The following MBNL2 variants were observed in gnomAD, a reference collection of about 807,000 sequenced individuals.
The protein encoded by MBNL2 is muscleblind-like protein 2.
MBNL2 carries 17 observed loss-of-function variants against 41.9 expected under a neutral mutation model. That is an observed-to-expected ratio of 0.41 (90% confidence interval 0.28 to 0.61). MBNL2 has a LOEUF of 0.61. MBNL2 is among the 20% of genes least tolerant of loss of function. MBNL2 has a pLI of 0.35. For synonymous variants in MBNL2, 195 were observed against 182.9 expected, an observed-to-expected ratio of 1.07 and a Z score of -0.53; for missense variants, 336 against 505.6, an observed-to-expected ratio of 0.66 and a Z score of 3.22.
At chr13:97,287,939 G>T (rs111403328) in intron 2 of MBNL2, among the ~76,000 whole-genome samples, 2,627 of 113,464 alleles carry the variant, frequency 0.023, 157 homozygotes, top group African/African-American at 0.1. Flanking sequence ...GTTTTGTTTT[G>T]TTTTTTTTTT....
the MBNL2 span, among the ~76,000 whole-genome samples, chr13:97,215,503 A>G: frequency 6.6e-6 from 1 of 152,358 alleles, no homozygotes; most frequent in South Asian, 2.1e-4. Flanking sequence ...TGTTAAGCTG[A>G]TAAAACAAGT....
rs2049275195 is a variant in MBNL2, at chr13:97,264,259, C to A, written c.-604-11373C>A. ...AGCCAGGATGGTCTCCATCTCCTAA[C>A]CTTGTGATCCACCCGCCTCGGCCTC... On this transcript the variant is annotated intron_variant, in intron 1 of 8. Transcript: ENST00000679496. 1.3e-5 allele frequency among the ~76,000 whole-genome samples: 2 copies of A among 149,884 alleles called. 1 individual carries two copies. The highest frequency in any genetic ancestry group is 4.2e-4 in the South Asian group (2 of 4,716).
chr13:97,194,736 T>C, the MBNL2 span, among the ~76,000 whole-genome samples: 2 of 152,236 alleles, frequency 1.3e-5, no homozygotes, highest in Non-Finnish European at 2.9e-5. Context: ...AAGTGACCTC[T>C]GGTTGCCTTC....
chr13:97,339,473 T>C (rs940114590), intron 3 of MBNL2, among the ~76,000 whole-genome samples: 2 of 152,144 alleles, frequency 1.3e-5, no homozygotes, highest in Non-Finnish European at 2.9e-5. Context: ...CCTTTTTAGC[T>C]GTGGCTTTGA....
At chr13:97,197,609 C>T in the MBNL2 span, among the ~76,000 whole-genome samples, 1 of 152,068 alleles carries the variant, frequency 6.6e-6, no homozygotes, top group South Asian at 2.1e-4. Context: ...CTTTCTTTCT[C>T]TTATTTAATT....
chr13:97,285,290 T>C (rs9556695), intron 2 of MBNL2, among the ~76,000 whole-genome samples: 68,153 of 152,078 alleles, frequency 0.45, 18,132 homozygotes, highest in East Asian at 0.62. Context: ...GTTCTTTAGC[T>C]CACTCATTCA....
intron 8 of MBNL2, among the ~76,000 whole-genome samples, chr13:97,383,515 A>G (rs1468927729): frequency 6.6e-6 from 1 of 152,190 alleles, no homozygotes; most frequent in Non-Finnish European, 1.5e-5. Context: ...AATCAAGTGG[A>G]AAATATTGGA....
chr13:97,215,134 G>A, the MBNL2 span, among the ~76,000 whole-genome samples: 17 of 152,312 alleles, frequency 1.1e-4, no homozygotes, highest in South Asian at 3.5e-3. Context: ...GGCATGTCCT[G>A]TAACCTTTGA....
At chr13:97,229,737 A>G (rs1266579314) in intron 1 of MBNL2, among the ~76,000 whole-genome samples, 1 of 152,142 alleles carries the variant, frequency 6.6e-6, no homozygotes. Flanking sequence ...GAGTCAGGAT[A>G]TGAATGAGCT....
At chr13:97,293,367 G>T (rs2056490287) in intron 2 of MBNL2, among the ~76,000 whole-genome samples, 1 of 152,076 alleles carries the variant, frequency 6.6e-6, no homozygotes, top group East Asian at 1.9e-4. Flanking sequence ...GTAATAGTTT[G>T]TGGTAGTATT....
At chr13:97,200,065 C>T in the MBNL2 span, among the ~76,000 whole-genome samples, 2 of 152,182 alleles carry the variant, frequency 1.3e-5, no homozygotes, top group Non-Finnish European at 2.9e-5. Flanking sequence ...TGAATTGAAG[C>T]CCCATAAATT....
intron 2 of MBNL2, among the ~76,000 whole-genome samples, chr13:97,286,978 G>C (rs1005763210): frequency 6.6e-6 from 1 of 152,178 alleles, no homozygotes; most frequent in Non-Finnish European, 1.5e-5. Flanking sequence ...ACCCATACTT[G>C]CTAGTGAAGA....
chr13:97,388,491 T>A (rs1044706810), intron 8 of MBNL2, among the ~76,000 whole-genome samples: 26 of 152,102 alleles, frequency 1.7e-4, no homozygotes, highest in Admixed American at 9.2e-4. Flanking sequence ...GAGGTTCCTC[T>A]TTCTCTCAAA....
At chr13:97,261,037 C>T (rs896916101) in intron 1 of MBNL2, among the ~76,000 whole-genome samples, 1 of 152,030 alleles carries the variant, frequency 6.6e-6, no homozygotes, top group Non-Finnish European at 1.5e-5. Flanking sequence ...TATCAGTTGG[C>T]TCCCCACACT....
At chr13:97,281,599 T>A (rs2053442374) in intron 2 of MBNL2, among the ~76,000 whole-genome samples, 1 of 152,228 alleles carries the variant, frequency 6.6e-6, no homozygotes, top group Non-Finnish European at 1.5e-5. Flanking sequence ...AAGTTCATGT[T>A]CTTAAATTGC....
At chr13:97,255,873 T>G (rs1009371734) in intron 1 of MBNL2, among the ~76,000 whole-genome samples, 1 of 152,172 alleles carries the variant, frequency 6.6e-6, no homozygotes, top group Non-Finnish European at 1.5e-5. Flanking sequence ...AGAAAACCAC[T>G]GGGGAAGCCA....
intron 1 of MBNL2, among the ~76,000 whole-genome samples, chr13:97,245,440 C>T (rs997741438): frequency 1.3e-5 from 2 of 152,112 alleles, no homozygotes; most frequent in Non-Finnish European, 2.9e-5. Flanking sequence ...AGGATTCTCA[C>T]AAAAGTCATC....
chr13:97,201,097 T>C, the MBNL2 span, among the ~76,000 whole-genome samples: 1 of 152,160 alleles, frequency 6.6e-6, no homozygotes, highest in Non-Finnish European at 1.5e-5. Flanking sequence ...AAAAACTTTC[T>C]TCGAAAGCCA....
In MBNL2 at chr13:97,296,416, T is replaced by C. The variant is rs74108918; in HGVS notation, c.174+20007T>C. Among the ~76,000 whole-genome samples the C allele has an allele frequency of 9.9e-3, 1,514 of 152,326 alleles. 28 individuals are homozygous for C. The highest frequency in any genetic ancestry group is 0.035 in the African/African-American group (1,474 of 41,576). On this transcript the variant is annotated intron_variant, in intron 2 of 8. Coordinates refer to ENST00000679496, the MANE Select transcript of MBNL2 (RefSeq NM_001382683.1). ...AGGGAACAGAACAAGATTCATGTCTTTGAGTATCTGAAAGCTTTATCAAGG... is the reference window on the plus strand; with the variant it reads ...AGGGAACAGAACAAGATTCATGTCTCTGAGTATCTGAAAGCTTTATCAAGG...
Sources: gnomAD v4.1 joint callset for allele counts (sites outside exome capture counted in the v4.1 genomes callset) on GRCh38, gnomAD v4.1.1 for gene constraint, MANE v1.5 for transcripts, NCBI Gene and HGNC (gene_info 2026-07-23, HGNC 2026-07-21) for gene names.